The following CTRB1 variants were observed in gnomAD, a reference collection of about 807,000 sequenced individuals.
The protein encoded by CTRB1 is chymotrypsinogen B.
In CTRB1, 15 loss-of-function variants were observed where a neutral mutation model predicts 20.4. That is an observed-to-expected ratio of 0.74 (90% CI 0.49 to 1.13). CTRB1 has a LOEUF of 1.13. Among genes scored for constraint, CTRB1 ranks in the 50% most tolerant of loss-of-function variants. CTRB1 has a pLI of 0.00. For missense variants in CTRB1, 227 were observed against 290.1 expected (o/e 0.78, Z 1.58); for synonymous variants, 92 against 128.4 (o/e 0.72, Z 1.92).
chr16:75,222,208 T>C lies in CTRB1; in HGVS notation c.53-560T>C, dbSNP rs117192592. ...AAACTTTACACAATGTTTCCTGAAA[T>C]TGTGGAATTCAACCTGCCCACCCAG... is the stretch of plus-strand genomic sequence containing the variant. On this transcript the variant is annotated intron_variant, in intron 1 of 6. Transcript: ENST00000361017. 4.9e-4 allele frequency among the ~76,000 whole-genome samples: 73 copies of C among 150,430 alleles called. No individual in the cohort carries two copies. The East Asian group carries it at 0.013, about 26-fold the overall frequency.
intron 1 of CTRB1, chr16:75,222,496 G>C (rs536139699): frequency 5.6e-6 from 3 of 532,374 alleles, no homozygotes; most frequent in Non-Finnish European, 9.9e-6. Context: ...CTTACAGCCC[G>C]GCCTGTTTTC....
chr16:75,222,055 T>C (rs566458894), intron 1 of CTRB1, among the ~76,000 whole-genome samples: 214 of 86,754 alleles, frequency 2.5e-3, no homozygotes, highest in African/African-American at 9.0e-3. Context: ...AGCAAGACTG[T>C]CTCAAAAAGA....
intron 1 of CTRB1, among the ~76,000 whole-genome samples, chr16:75,219,452 T>A (rs1483999966): frequency 3.3e-5 from 5 of 151,762 alleles, no homozygotes. Context: ...AGTGCAATGG[T>A]GCAATCTCCA....
chr16:75,222,669 C>T (rs921302625), intron 1 of CTRB1, 99 bp from the exon 2 acceptor site: 32 of 1,348,312 alleles, frequency 2.4e-5, no homozygotes, highest in Non-Finnish European at 3.2e-5. Context: ...CCTGAGCTGG[C>T]TTCAGTGGAC....
At chr16:75,221,329 T>A (rs2039080746) in intron 1 of CTRB1, among the ~76,000 whole-genome samples, 1 of 152,108 alleles carries the variant, frequency 6.6e-6, no homozygotes, top group Admixed American at 6.6e-5. Context: ...AATGTGCCAT[T>A]TTATGGTGTG....
intron 1 of CTRB1, 102 bp from the exon 2 acceptor site, chr16:75,222,666 T>C (rs1390916790): frequency 2.3e-6 from 3 of 1,315,554 alleles, no homozygotes; most frequent in African/African-American, 2.9e-5. Context: ...GGTCCTGAGC[T>C]GGCTTCAGTG....
intron 1 of CTRB1, among the ~76,000 whole-genome samples, chr16:75,221,521 G>T (rs960694707): frequency 6.6e-6 from 1 of 151,906 alleles, no homozygotes; most frequent in Non-Finnish European, 1.5e-5. Flanking sequence ...CACCATGCCC[G>T]GCTAATTTTT....
chr16:75,219,471 A>C (rs1044909629), intron 1 of CTRB1, among the ~76,000 whole-genome samples: 1 of 151,348 alleles, frequency 6.6e-6, no homozygotes, highest in Non-Finnish European at 1.5e-5. Flanking sequence ...CACTTACTGC[A>C]ACCTCCATCT....
At chr16:75,224,250 T>G in intron 6 of CTRB1, 62 bp downstream of exon 6, 1 of 1,518,548 alleles carries the variant, frequency 6.6e-7, no homozygotes, top group Non-Finnish European at 8.9e-7. Flanking sequence ...GTCTGGGCTT[T>G]CCACCCCTCT....
At chr16:75,224,278 C>T in intron 6 of CTRB1, 90 bp downstream of exon 6, 5 of 1,544,880 alleles carry the variant, frequency 3.2e-6, no homozygotes, top group Non-Finnish European at 3.5e-6. Flanking sequence ...CATCTACTAA[C>T]CCCACTCCTT....
intron 1 of CTRB1, among the ~76,000 whole-genome samples, chr16:75,219,528 A>T (rs574458766): frequency 2.7e-4 from 41 of 151,952 alleles, no homozygotes; most frequent in Non-Finnish European, 5.3e-4. Context: ...AGCAGCTGGG[A>T]CTACAGGCAT....
rs373314657 is a variant in CTRB1 at position 75,224,806 on chromosome 16, C to G, written c.732C>G (p.Gly244=). 1.2e-6 allele frequency: 2 copies of G among 1,613,844 alleles called. No homozygotes were observed. The highest frequency in any genetic ancestry group is 2.7e-5 in the African/African-American group (2 of 74,944). ...GSDTCSTSSP[G]VYARVTKLIP... ...ACACCTGCTCCACCTCCAGCCCTGG[C>G]GTGTACGCCCGTGTCACCAAGCTCA... Residue 244 remains glycine (G), a synonymous_variant, in exon 7 of 7, where the codon GGC becomes GGG. Coordinates refer to ENST00000361017, the MANE Select transcript of CTRB1 (RefSeq NM_001906.6).
chr16:75,221,734 A>T (rs892886875), intron 1 of CTRB1, among the ~76,000 whole-genome samples: 4 of 149,200 alleles, frequency 2.7e-5, no homozygotes, highest in African/African-American at 7.3e-5. Context: ...GCATGTTGGG[A>T]GATCAAGGCA....
chr16:75,220,425 C>A (rs888040091), intron 1 of CTRB1, among the ~76,000 whole-genome samples: 2 of 152,174 alleles, frequency 1.3e-5, no homozygotes, highest in African/African-American at 2.4e-5. Flanking sequence ...CTCCAGTGAT[C>A]CGCCCACCTC....
At position 75,221,082 on chromosome 16, in the gene CTRB1, G is replaced by T. The variant is rs546826993; in HGVS notation, c.53-1686G>T. 2.0e-5 allele frequency among the ~76,000 whole-genome samples: 3 copies of T among 152,292 alleles called. No individual in the cohort carries two copies. The South Asian group carries it at 6.2e-4, about 32-fold the overall frequency. On this transcript the variant is annotated intron_variant, in intron 1 of 6. Coordinates refer to ENST00000361017, the MANE Select transcript of CTRB1 (RefSeq NM_001906.6). ...TTTGATGCTCTGAAACGTCAGGGAG[G>T]CACCTTGCCTGCCTGTGTTCCTGTG...
rs781600065 is a variant in CTRB1, at chr16:75,224,836, T to A, written c.762T>A (p.Pro254=). Reference sequence around the variant, plus strand: ...ACGCCCGTGTCACCAAGCTCATACCTTGGGTGCAGAAGATCCTGGCTGCCA... The same window carrying A: ...ACGCCCGTGTCACCAAGCTCATACCATGGGTGCAGAAGATCCTGGCTGCCA... ...GVYARVTKLI[P]WVQKILAAN The change falls in exon 7 of 7, where the codon CCT becomes CCA. Residue 254 remains proline, a synonymous_variant. Coordinates refer to ENST00000361017, the MANE Select transcript of CTRB1 (RefSeq NM_001906.6). 34 of 1,613,758 alleles carry A rather than the reference T, an allele frequency of 2.1e-5. 1 individual carries two copies. The South Asian group carries it at 3.1e-4, about 15-fold the overall frequency.
rs762912239 is a variant in CTRB1, at chr16:75,224,692, C to T, written c.631-13C>T. 1.9e-6 allele frequency: 3 copies of T among 1,600,456 alleles called. No individual in the cohort carries two copies. Among genetic ancestry groups the T allele is most frequent in the South Asian group, 2.2e-5 (2 of 89,736 alleles). On this transcript the variant is annotated splice_polypyrimidine_tract_variant and intron_variant, in intron 6 of 6. Coordinates refer to ENST00000361017, the MANE Select transcript of CTRB1 (RefSeq NM_001906.6). The stretch of plus-strand genomic sequence containing the variant: ...GGCTGCCAGATCCAAGCCCCCTTCT[C>T]CCTCTCCCACAGGGCGACTCTGGCG...
chr16:75,220,130 C>T (rs1387505651), intron 1 of CTRB1, among the ~76,000 whole-genome samples: 2 of 145,374 alleles, frequency 1.4e-5, no homozygotes, highest in African/African-American at 2.7e-5. Context: ...GCTACAGGCA[C>T]GCTAAGTTTA....
chr16:75,221,790 C>T (rs1035296724), intron 1 of CTRB1, among the ~76,000 whole-genome samples: 5 of 150,482 alleles, frequency 3.3e-5, no homozygotes, highest in African/African-American at 1.2e-4. Flanking sequence ...AGGCTGGGCA[C>T]GGTGGCTCAC....
Sources: gnomAD v4.1 joint callset for allele counts (sites outside exome capture counted in the v4.1 genomes callset) on GRCh38, gnomAD v4.1.1 for gene constraint, MANE v1.5 for transcripts, NCBI Gene and HGNC (gene_info 2026-07-23, HGNC 2026-07-21) for gene names.